The following MGST1 variants were observed in gnomAD, a reference collection of about 807,000 sequenced individuals.
MGST1 encodes microsomal glutathione S-transferase 1.
A neutral mutation model predicts 8.9 loss-of-function variants in MGST1; 5 were observed. That is an observed-to-expected ratio of 0.56 (90% CI 0.29 to 1.19). The LOEUF is 1.19. MGST1 is among the 50% of genes most tolerant of loss of function. The probability of loss-of-function intolerance (pLI) is 0.08; values close to 1 mark genes in which losing one functional copy is unlikely to be tolerated. For missense variants in MGST1, 182 were observed against 187.4 expected, an observed-to-expected ratio of 0.97 and a Z score of 0.17; for synonymous variants, 54 against 67.8, an observed-to-expected ratio of 0.80 and a Z score of 1.00.
At chr12:16,485,244 C>T (rs549233317) in intron 4 of MGST1, among the ~76,000 whole-genome samples, 17 of 152,298 alleles carry the variant, frequency 1.1e-4, no homozygotes, top group South Asian at 6.2e-4. Flanking sequence ...ACTTGGCCAT[C>T]GAATGCTCGT....
At chr12:16,526,902 TG>T (rs1941690693) in intron 4 of MGST1, among the ~76,000 whole-genome samples, 1 of 151,944 alleles carries the variant, frequency 6.6e-6, no homozygotes, top group South Asian at 2.1e-4. Flanking sequence ...GTTTTACTGT[TG>T]CTCCAAAACT....
At chr12:16,574,639 C>T (rs561747862) in intron 4 of MGST1, among the ~76,000 whole-genome samples, 10 of 152,304 alleles carry the variant, frequency 6.6e-5, no homozygotes, top group Non-Finnish European at 1.0e-4. Context: ...CTTACTGACA[C>T]AATGGAGCTA....
Position 16,517,703 on chromosome 12 carries a change from C to G in MGST1, n.483-71825C>G, listed in dbSNP as rs1941624244. Among the ~76,000 whole-genome samples the G allele has an allele frequency of 6.6e-6, 1 of 152,158 alleles. No individual in the cohort carries two copies. Among genetic ancestry groups the G allele is most frequent in the Non-Finnish European group, 1.5e-5 (1 of 68,028 alleles). ...AACTTGGCTTGTGCTCATCTAAGCA[C>G]TGTCCACAGAGAAGAGAGTTTTAGC... On this transcript the variant is annotated intron_variant and non_coding_transcript_variant, in intron 4 of 4. Coordinates refer to the MGST1 transcript ENST00000538857. This position sits in a 1 kb window ranked among gnomAD's most constrained non-coding sequence, Gnocchi z 4.2.
intron 4 of MGST1, among the ~76,000 whole-genome samples, chr12:16,581,987 C>T (rs569742342): frequency 1.6e-4 from 24 of 152,042 alleles, no homozygotes; most frequent in Non-Finnish European, 3.1e-4. Flanking sequence ...TTATTTACTT[C>T]GTTTTCTTAT....
At position 16,584,371 on chromosome 12, in the gene MGST1, G is replaced by A. The variant is rs150686726; in HGVS notation, n.483-5157G>A. Among the ~76,000 whole-genome samples the A allele has an allele frequency of 4.9e-3, 744 of 152,230 alleles. 8 individuals are homozygous for A. Among genetic ancestry groups the A allele is most frequent in the African/African-American group, 0.017 (720 of 41,532 alleles). ...TAAAGGAGAGGCAAGTTTCAGGTAA[G>A]GCAACAGATGAAATTCAGTTAAAAC... On this transcript the variant is annotated intron_variant and non_coding_transcript_variant, in intron 4 of 4. Coordinates refer to the MGST1 transcript ENST00000538857. This position sits in a 1 kb window ranked among gnomAD's most constrained non-coding sequence, Gnocchi z 5.2.
chr12:16,457,148 C>G (rs1179739460), intron 4 of MGST1, among the ~76,000 whole-genome samples: 2 of 151,956 alleles, frequency 1.3e-5, no homozygotes, highest in Admixed American at 1.3e-4. Flanking sequence ...AATAAAATAA[C>G]TGACATCACT....
rs561167444 is a variant in MGST1, at chr12:16,427,062, T to C, written n.779-10326T>C. 2.6e-5 allele frequency among the ~76,000 whole-genome samples: 4 copies of C among 152,280 alleles called. No individual in the cohort carries two copies. The South Asian group carries it at 8.3e-4, about 32-fold the overall frequency. On this transcript the variant is annotated intron_variant and non_coding_transcript_variant, in intron 1 of 1. Transcript: ENST00000359720. ...GAAATTTCTATTGTGTGTTAAACAT[T>C]GTGCCAATTACAAGGAATGCTGAAA... is the stretch of plus-strand genomic sequence containing the variant.
At chr12:16,364,983 GA>G (rs1470509486), downstream of MGST1, among the ~76,000 whole-genome samples, 1 of 152,110 alleles carries the variant, frequency 6.6e-6, no homozygotes, top group African/African-American at 2.4e-5. This position sits in a 1 kb window ranked among gnomAD's most constrained non-coding sequence, Gnocchi z 5.7. Flanking sequence ...CTTAGATTCA[GA>G]TTAAACAGTT....
chr12:16,424,209 G>T (rs983332065), intron 1 of MGST1, among the ~76,000 whole-genome samples: 4 of 152,212 alleles, frequency 2.6e-5, no homozygotes, highest in Non-Finnish European at 5.9e-5. Flanking sequence ...CACCTTCTTT[G>T]TGAAGGATAT....
intron 4 of MGST1, among the ~76,000 whole-genome samples, chr12:16,488,768 G>A (rs1941416953): frequency 1.3e-5 from 2 of 152,146 alleles, no homozygotes; most frequent in Middle Eastern, 3.4e-3. Context: ...ATAATGTCAT[G>A]AGTGTGCATT....
chr12:16,478,945 A>G lies in MGST1; in HGVS notation n.482+95341A>G, dbSNP rs573946785. Reference sequence around the variant, plus strand: ...TTGTTCCAAAATAAAACATATCACTAAACAGTTTCTCCCCATTGCCCCTTC... The same window carrying G: ...TTGTTCCAAAATAAAACATATCACTGAACAGTTTCTCCCCATTGCCCCTTC... On this transcript the variant is annotated intron_variant and non_coding_transcript_variant, in intron 4 of 4. Transcript: ENST00000538857. 4.0e-3 allele frequency among the ~76,000 whole-genome samples: 612 copies of G among 152,138 alleles called. 1 individual carries two copies. Among genetic ancestry groups the G allele is most frequent in the Non-Finnish European group, 6.1e-3 (415 of 68,000 alleles).
In MGST1 at chr12:16,428,768, T is replaced by C. The variant is rs1427929613; in HGVS notation, n.779-8620T>C. 2.0e-5 allele frequency among the ~76,000 whole-genome samples: 3 copies of C among 152,238 alleles called. 1 individual carries two copies. Among genetic ancestry groups the C allele is most frequent in the African/African-American group, 4.8e-5 (2 of 41,590 alleles). ...GTTAAAAAGCCTTACATTTTGTTTG[T>C]TATTTTTATGAGGCTTGCTTTTACT... is the stretch of plus-strand genomic sequence containing the variant. On this transcript the variant is annotated intron_variant and non_coding_transcript_variant, in intron 1 of 1. Transcript: ENST00000359720.
rs945052283 is a variant in MGST1 at position 16,415,423 on chromosome 12, T to C, written n.779-21965T>C. Among the ~76,000 whole-genome samples, 16 of 152,284 alleles carry C rather than the reference T, an allele frequency of 1.1e-4. No individual in the cohort carries two copies. The East Asian group carries it at 2.9e-3, about 28-fold the overall frequency. On this transcript the variant is annotated intron_variant and non_coding_transcript_variant, in intron 1 of 1. Coordinates refer to the MGST1 transcript ENST00000359720. ...AGTTTAAAACATGTGGGTCCACTTATGCATGAATTTTATTTTGCCTTTGCC... is the reference window on the plus strand; with the variant it reads ...AGTTTAAAACATGTGGGTCCACTTACGCATGAATTTTATTTTGCCTTTGCC...
At chr12:16,472,264 G>GA (rs957408602) in intron 4 of MGST1, among the ~76,000 whole-genome samples, 8 of 151,342 alleles carry the variant, frequency 5.3e-5, no homozygotes, top group Admixed American at 1.3e-4. Flanking sequence ...TTCACAACCA[G>GA]AAAAAAAACA....
chr12:16,527,360 A>G (rs1416335290), intron 4 of MGST1, among the ~76,000 whole-genome samples: 3 of 152,072 alleles, frequency 2.0e-5, no homozygotes, highest in Admixed American at 1.3e-4. Flanking sequence ...AAATCATATA[A>G]ACTTAATAGC....
At chr12:16,543,183 T>C (rs1941802290) in intron 4 of MGST1, among the ~76,000 whole-genome samples, 1 of 152,190 alleles carries the variant, frequency 6.6e-6, no homozygotes. Flanking sequence ...AATGTCTGAA[T>C]GACTCACTAC....
intron 4 of MGST1, among the ~76,000 whole-genome samples, chr12:16,526,327 G>T (rs1443411537): frequency 6.6e-6 from 1 of 151,940 alleles, no homozygotes; most frequent in Non-Finnish European, 1.5e-5. Context: ...CCCACATAAA[G>T]CTACATGGTC....
At chr12:16,428,998 G>A (rs76917744) in intron 1 of MGST1, among the ~76,000 whole-genome samples, 2,212 of 151,734 alleles carry the variant, frequency 0.015, 19 homozygotes, top group Middle Eastern at 0.027. Flanking sequence ...GTTCCACATC[G>A]TTGTGTACAT....
chr12:16,442,938 A>G (rs1016833970), downstream of MGST1, among the ~76,000 whole-genome samples: 1 of 151,816 alleles, frequency 6.6e-6, no homozygotes, highest in East Asian at 1.9e-4. The surrounding 1 kb of genome is among the most constrained non-coding windows in gnomAD (Gnocchi z 4.5). Context: ...TTACCTGCTT[A>G]TACACTGTTA....
Sources: allele counts gnomAD v4.1 joint callset (sites outside exome capture counted in the v4.1 genomes callset), GRCh38; gene constraint gnomAD v4.1.1; non-coding constraint Gnocchi (gnomAD v3.1); transcripts MANE v1.5; gene names NCBI Gene and HGNC (gene_info 2026-07-23, HGNC 2026-07-21).